DAB1: variants seen among roughly 807,000 people sequenced by gnomAD.
The protein encoded by DAB1 is DAB adaptor protein 1.
DAB1 carries 15 observed loss-of-function variants against 64.6 expected under a neutral mutation model. That is an observed-to-expected ratio of 0.23 (90% CI 0.16 to 0.36). The LOEUF (loss-of-function observed/expected upper bound fraction) is 0.36, where lower values mean the gene tolerates loss of function less well. DAB1 is among the 10% of genes least tolerant of loss of function. The probability of loss-of-function intolerance (pLI) is 1.00; values close to 1 mark genes in which losing one functional copy is unlikely to be tolerated. For synonymous variants in DAB1, 235 were observed against 251.9 expected, an observed-to-expected ratio of 0.93 and a Z score of 0.64; for missense variants, 596 against 706.7, an observed-to-expected ratio of 0.84 and a Z score of 1.78.
chr1:58,312,621 G>A (rs1662455191), intron 4 of DAB1, among the ~76,000 whole-genome samples: 2 of 152,218 alleles, frequency 1.3e-5, no homozygotes, highest in South Asian at 4.1e-4. Context: ...AAGTGTGAGA[G>A]TCAATGCAAA....
chr1:57,567,343 A>T (rs938334104), intron 7 of DAB1, among the ~76,000 whole-genome samples: 1 of 152,218 alleles, frequency 6.6e-6, no homozygotes, highest in African/African-American at 2.4e-5. Context: ...AAAAACTGGA[A>T]GCATTCCCTT....
chr1:58,052,663 T>C (rs1050736682), intron 5 of DAB1, among the ~76,000 whole-genome samples: 2 of 152,346 alleles, frequency 1.3e-5, no homozygotes, highest in African/African-American at 4.8e-5. Flanking sequence ...TGATATTGAT[T>C]CTTCCTATCC....
chr1:58,246,987 T>G (rs942947336), intron 4 of DAB1, among the ~76,000 whole-genome samples: 1 of 152,050 alleles, frequency 6.6e-6, no homozygotes, highest in African/African-American at 2.4e-5. Context: ...CCTTGAAGTC[T>G]ATAGTCAGGA....
At chr1:57,675,232 C>T (rs1646552297) in intron 6 of DAB1, among the ~76,000 whole-genome samples, 2 of 152,248 alleles carry the variant, frequency 1.3e-5, no homozygotes, top group East Asian at 1.9e-4. Context: ...TTTATTTCAA[C>T]AGCAGAACAT....
intron 1 of DAB1, among the ~76,000 whole-genome samples, chr1:57,329,484 T>G (rs1484839745): frequency 6.6e-6 from 1 of 152,118 alleles, no homozygotes; most frequent in Admixed American, 6.5e-5. Context: ...TCCGGTTTTT[T>G]TGCATATCTA....
chr1:57,482,477 TAAAAA>T (rs918167439), intron 7 of DAB1, among the ~76,000 whole-genome samples: 3 of 61,182 alleles, frequency 4.9e-5, no homozygotes, highest in African/African-American at 1.6e-4. Flanking sequence ...CTGAAAGTTG[TAAAAA>T]AAAAAAAAAA....
At chr1:57,185,044 G>A (rs1473097913) in intron 2 of DAB1, among the ~76,000 whole-genome samples, 2 of 152,078 alleles carry the variant, frequency 1.3e-5, no homozygotes, top group Non-Finnish European at 2.9e-5. Flanking sequence ...CCAGGATCCT[G>A]CCATCCTGAT....
intron 1 of DAB1, among the ~76,000 whole-genome samples, chr1:57,833,156 G>A (rs1476402354): frequency 6.6e-6 from 1 of 151,692 alleles, no homozygotes; most frequent in Non-Finnish European, 1.5e-5. Flanking sequence ...GTGTTTACTT[G>A]GTTGTTGTTA....
At chr1:58,396,414 C>T (rs1421994777) in intron 3 of DAB1, among the ~76,000 whole-genome samples, 1 of 151,970 alleles carries the variant, frequency 6.6e-6, no homozygotes, top group East Asian at 1.9e-4. Context: ...TAATGACATC[C>T]AATCCTGCCC....
chr1:58,055,912 AT>A (rs1279315157), intron 5 of DAB1, among the ~76,000 whole-genome samples: 1 of 151,210 alleles, frequency 6.6e-6, no homozygotes, highest in African/African-American at 2.4e-5. Flanking sequence ...TATTATTTGT[AT>A]TTTTTGTATA....
chr1:57,863,333 G>T (rs1357506722), intron 1 of DAB1: 2 of 152,048 alleles, frequency 1.3e-5, no homozygotes, highest in African/African-American at 4.8e-5. Flanking sequence ...GGGCTATGAT[G>T]GATATATTTA....
At chr1:58,215,881 T>G (rs1022807826) in intron 4 of DAB1, among the ~76,000 whole-genome samples, 2 of 152,144 alleles carry the variant, frequency 1.3e-5, no homozygotes, top group Non-Finnish European at 2.9e-5. Context: ...CTCTTGAGAA[T>G]GCAGTTTTAG....
intron 6 of DAB1, among the ~76,000 whole-genome samples, chr1:57,795,385 G>C (rs975049338): frequency 6.6e-6 from 1 of 151,772 alleles, no homozygotes; most frequent in African/African-American, 2.4e-5. Flanking sequence ...TGTAAAACAT[G>C]GTTTGGGAAA....
chr1:57,594,956 C>T (rs1309179066), intron 7 of DAB1, among the ~76,000 whole-genome samples: 4 of 151,952 alleles, frequency 2.6e-5, no homozygotes, highest in East Asian at 1.9e-4. Flanking sequence ...ATGATCCACC[C>T]GCCTCAGCCT....
chr1:57,263,996 C>T (rs935462162), intron 2 of DAB1, among the ~76,000 whole-genome samples: 2 of 152,114 alleles, frequency 1.3e-5, no homozygotes, highest in African/African-American at 4.8e-5. Context: ...TCCTGGAGCC[C>T]TCCTGGTATG....
intron 3 of DAB1, among the ~76,000 whole-genome samples, chr1:58,386,057 G>T (rs545666791): frequency 6.6e-6 from 1 of 152,042 alleles, no homozygotes; most frequent in Non-Finnish European, 1.5e-5. Flanking sequence ...GAGCGTTTTC[G>T]TATCATTAAA....
Position 57,244,248 on chromosome 1 carries a change from C to A in DAB1, c.67+46716G>T, listed in dbSNP as rs146378317. Among the ~76,000 whole-genome samples the A allele has an allele frequency of 1.6e-3, 239 of 152,330 alleles. 2 individuals are homozygous for A. Among genetic ancestry groups the A allele is most frequent in the African/African-American group, 5.3e-3 (222 of 41,566 alleles). Reference sequence around the variant, plus strand: ...ATTCTCCGAATAAACAGTGAGCTTGCAAAAGGCAAGGCACCATACTTTTCT... The same window carrying A: ...ATTCTCCGAATAAACAGTGAGCTTGAAAAAGGCAAGGCACCATACTTTTCT... On this transcript the variant is annotated intron_variant, in intron 2 of 14. Transcript: ENST00000371236.
intron 6 of DAB1, among the ~76,000 whole-genome samples, chr1:57,720,047 G>A (rs1204708980): frequency 1.3e-5 from 2 of 152,090 alleles, no homozygotes; most frequent in Non-Finnish European, 2.9e-5. Context: ...GTTTCCGTCT[G>A]GAACCTTGAT....
chr1:57,828,808 A>G (rs879623382), intron 1 of DAB1, among the ~76,000 whole-genome samples: 6 of 152,256 alleles, frequency 3.9e-5, no homozygotes, highest in Non-Finnish European at 5.9e-5. Context: ...GTTGTAAATC[A>G]TAAGTTTTTA....
Sources: allele counts gnomAD v4.1 joint callset (sites outside exome capture counted in the v4.1 genomes callset), GRCh38; gene constraint gnomAD v4.1.1; transcripts MANE v1.5; gene names NCBI Gene and HGNC (gene_info 2026-07-23, HGNC 2026-07-21).